Variants in TRPV5 observed in about 807,000 individuals in gnomAD.
TRPV5 encodes the protein transient receptor potential cation channel subfamily V member 5, also known as calcium transport protein 2.
Under a neutral mutation model 74.1 loss-of-function variants are expected in TRPV5, and 66 were observed. The ratio of observed to expected loss-of-function variants is 0.89; its 90% confidence interval spans 0.73 to 1.09. TRPV5 has a LOEUF of 1.09. TRPV5 is among the 50% of genes least tolerant of loss of function. The pLI, the probability that TRPV5 is intolerant of heterozygous loss-of-function variation, is 0.00. For missense variants in TRPV5, 936 were observed against 930.4 expected (o/e 1.01, Z -0.08); for synonymous variants, 399 against 360.7 (o/e 1.11, Z -1.20).
At chr7:142,916,023 G>A (rs1795789500) in intron 8 of TRPV5, among the ~76,000 whole-genome samples, 1 of 152,332 alleles carries the variant, frequency 6.6e-6, no homozygotes, top group East Asian at 1.9e-4. Flanking sequence ...TTCCCTCACG[G>A]ATCCGGAATC....
chr7:142,926,905 T>A (rs983706673), intron 7 of TRPV5, among the ~76,000 whole-genome samples: 1 of 152,238 alleles, frequency 6.6e-6, no homozygotes, highest in Non-Finnish European at 1.5e-5. Flanking sequence ...TAATCATTCA[T>A]GTTTTCTGGA....
intron 12 of TRPV5, 137 bp from the exon 13 acceptor site, chr7:142,912,887 C>T (rs1795726872): frequency 2.1e-6 from 1 of 479,978 alleles, no homozygotes; most frequent in South Asian, 4.5e-5. Flanking sequence ...TATCTAAATA[C>T]ACTTGCACAC....
At chr7:142,928,955 C>G (rs1417539321) in intron 5 of TRPV5, 67 bp downstream of exon 5, 1 of 1,612,076 alleles carries the variant, frequency 6.2e-7, no homozygotes, top group South Asian at 1.1e-5. Flanking sequence ...AAGGTCCCAG[C>G]TCCACTCCTT....
rs935763993 is a variant in TRPV5, at chr7:142,915,572, T to C, written c.1123-4A>G. ...CTTCACGTGTCTCATAGGCCTCCTATGTGGGGAAATTCAGAAGAAGTGCTT... is the reference window on the plus strand; with the variant it reads ...CTTCACGTGTCTCATAGGCCTCCTACGTGGGGAAATTCAGAAGAAGTGCTT... On this transcript the variant is annotated splice_polypyrimidine_tract_variant and splice_region_variant and intron_variant, in intron 8 of 14. Transcript: ENST00000265310. 5.0e-6 allele frequency: 8 copies of C among 1,613,868 alleles called. No individual in the cohort carries two copies. Among genetic ancestry groups the C allele is most frequent in the African/African-American group, 2.7e-5 (2 of 74,892 alleles).
In TRPV5 at chr7:142,925,511, C is replaced by A; in HGVS notation, c.1122+18G>T. 1 of 1,613,224 alleles carries A rather than the reference C, an allele frequency of 6.2e-7. No individual in the cohort carries two copies. Among genetic ancestry groups the A allele is most frequent in the Non-Finnish European group, 8.5e-7 (1 of 1,179,164 alleles). The stretch of plus-strand genomic sequence containing the variant: ...CCCTTGATGCAATTCTCTCTCATCC[C>A]CTTCTGAGGAGAATCACCTGTAGTA... On this transcript the variant is annotated intron_variant, in intron 8 of 14. Coordinates refer to ENST00000265310, the MANE Select transcript of TRPV5 (RefSeq NM_019841.7).
chr7:142,927,371 G>T (rs1796006258), intron 7 of TRPV5, among the ~76,000 whole-genome samples: 1 of 152,208 alleles, frequency 6.6e-6, no homozygotes, highest in Non-Finnish European at 1.5e-5. Context: ...TGTTTCTTGT[G>T]CAGTGCCTGA....
At position 142,928,210 on chromosome 7, in the gene TRPV5, G is replaced by C; in HGVS notation, c.787C>G (p.Arg263Gly). The C allele has an allele frequency of 6.2e-7, 1 of 1,614,132 alleles. No homozygotes were observed. The highest frequency in any genetic ancestry group is 8.5e-7 in the Non-Finnish European group (1 of 1,180,022). ...CCATACGTCCACTGGATGTGCCTCC[G>C]CTTCTGCATCAGGTGCTGGAACATC... ...TVMFQHLMQK[R>G]RHIQWTYGPL... Residue 263 changes from arginine to glycine, a missense_variant, in exon 7 of 15, where the codon CGG becomes GGG. Physicochemically the swap from Arg to Gly is moderately radical, Grantham distance 125. Transcript: ENST00000265310.
In TRPV5 at chr7:142,927,947, A is replaced by T. The variant is rs537919179; in HGVS notation, c.909+141T>A. The T allele has an allele frequency of 4.0e-6, 4 of 1,000,090 alleles. No individual in the cohort carries two copies. In the South Asian group the frequency reaches 6.4e-5, roughly 16 times the overall value. 62.0% of individuals were successfully genotyped at this position (1,000,090 alleles called of 1,614,324 possible). A position where few individuals can be genotyped will look rare whatever the true frequency, so the allele number is the denominator to read the frequency against. On this transcript the variant is annotated intron_variant, in intron 7 of 14. Transcript: ENST00000265310. ...AGGAGTGTGCATTGGACTTTCCCCC[A>T]TGTCCCAGGAGACTATTCTCATCTC...
chr7:142,929,204 C>T (rs550980847), intron 4 of TRPV5, 84 bp from the exon 5 acceptor site: 3 of 1,539,906 alleles, frequency 1.9e-6, no homozygotes, highest in Non-Finnish European at 2.6e-6. Context: ...GGGCCTCCTC[C>T]TCATCCCCCA....
chr7:142,929,280 G>T (rs1434460410), intron 4 of TRPV5, 148 bp downstream of exon 4: 1 of 1,469,184 alleles, frequency 6.8e-7, no homozygotes, highest in Admixed American at 2.1e-5. Flanking sequence ...TCAGGGGAAT[G>T]GGCCTCTGGC....
chr7:142,915,221 T>C (rs1453478455), intron 10 of TRPV5, 86 bp downstream of exon 10: 3 of 1,556,828 alleles, frequency 1.9e-6, no homozygotes, highest in African/African-American at 1.4e-5. Context: ...GAGAGTGACC[T>C]GAGGCCTAGA....
At chr7:142,930,204 G>A in intron 2 of TRPV5, 24 bp from the exon 3 acceptor site, 3 of 1,609,476 alleles carry the variant, frequency 1.9e-6, no homozygotes, top group South Asian at 2.2e-5. Context: ...AGACAGAGAT[G>A]TTAGACACTT....
At chr7:142,909,136 A>T (rs1795666408) in intron 14 of TRPV5, among the ~76,000 whole-genome samples, 1 of 152,138 alleles carries the variant, frequency 6.6e-6, no homozygotes, top group Non-Finnish European at 1.5e-5. Context: ...GGATGACGAG[A>T]TGCAATTCAG....
Position 142,930,044 on chromosome 7 carries a change from T to C in TRPV5, c.349+14A>G. Reference sequence around the variant, plus strand: ...TCAAAGTTTCCACCTTGAATTACCATGTAGGCTCCTTACCTGCAAAAGCCT... The same window carrying C: ...TCAAAGTTTCCACCTTGAATTACCACGTAGGCTCCTTACCTGCAAAAGCCT... On this transcript the variant is annotated intron_variant, in intron 3 of 14. Transcript: ENST00000265310. 6.2e-7 allele frequency: 1 copy of C among 1,613,844 alleles called. No homozygotes were observed. Among genetic ancestry groups the C allele is most frequent in the South Asian group, 1.1e-5 (1 of 91,054 alleles).
chr7:142,915,524 C>T lies in TRPV5; in HGVS notation c.1167G>A (p.Glu389=). 3 of 1,614,174 alleles carry T rather than the reference C, an allele frequency of 1.9e-6. No individual in the cohort carries two copies. Among genetic ancestry groups the T allele is most frequent in the Non-Finnish European group, 2.5e-6 (3 of 1,180,018 alleles). Residue 389 remains glutamate (E), a synonymous_variant, in exon 9 of 15, where the codon GAG becomes GAA. Coordinates refer to ENST00000265310, the MANE Select transcript of TRPV5 (RefSeq NM_019841.7). ...TCACAGCCCCAACGATGCTCACCAG[C>T]TCCCCCACCAGCCTGATGATATCTT... The part of the protein sequence containing the change: ...TREDIIRLVG[E]LVSIVGAVII...
chr7:142,914,761 A>C, intron 11 of TRPV5, 55 bp from the exon 12 acceptor site: 4 of 1,609,298 alleles, frequency 2.5e-6, no homozygotes, highest in Non-Finnish European at 3.4e-6. Context: ...ACTGCTTTTG[A>C]GCAGCTAACG....
At position 142,915,339 on chromosome 7, in the gene TRPV5, C is replaced by T; in HGVS notation, c.1254G>A (p.Lys418=). Residue 418 remains lysine (K), a synonymous_variant, in exon 10 of 15, where the codon AAG becomes AAA. Coordinates refer to ENST00000265310, the MANE Select transcript of TRPV5 (RefSeq NM_019841.7). ...FRVGASRYFG[K]TILGGPFHVI... is the part of the protein sequence containing the mutation. ...CATGGAATGGCCCCCCAAGAATCGT[C>T]TTTCCAAAATAGCGAGAGGCACCAA... 6.2e-7 allele frequency: 1 copy of T among 1,608,056 alleles called. No individual in the cohort carries two copies.
At position 142,933,464 on chromosome 7, in the gene TRPV5, T is replaced by C. The variant is rs1206880359; in HGVS notation, c.-5A>G. ...CTTAGGTAGAAAACCCCCCATGTCT[T>C]CTCCTTGCAGACACTGGCAGATTAT... On this transcript the variant is annotated 5_prime_UTR_variant, in exon 1 of 15. Transcript: ENST00000265310. The C allele has an allele frequency of 4.3e-6, 7 of 1,611,862 alleles. No individual in the cohort carries two copies. The highest frequency in any genetic ancestry group is 2.2e-5 in the East Asian group (1 of 44,858).
intron 8 of TRPV5, among the ~76,000 whole-genome samples, chr7:142,916,626 C>T (rs576171898): frequency 3.9e-5 from 6 of 152,262 alleles, no homozygotes; most frequent in African/African-American, 1.2e-4. Flanking sequence ...GTTGAGAGTC[C>T]CCTGGGGCCA....
Sources: gnomAD v4.1 joint callset for allele counts (sites outside exome capture counted in the v4.1 genomes callset) on GRCh38, gnomAD v4.1.1 for gene constraint, MANE v1.5 for transcripts, NCBI Gene and HGNC (gene_info 2026-07-23, HGNC 2026-07-21) for gene names.